EDIL3: variants seen among roughly 807,000 people sequenced by gnomAD.
EDIL3 encodes EGF-like repeat and discoidin I-like domain-containing protein 3.
Under a neutral mutation model 67.4 loss-of-function variants are expected in EDIL3, and 37 were observed. The observed-to-expected ratio is 0.55, with a 90% confidence interval of 0.42 to 0.72. The LOEUF is 0.72. Ranked by LOEUF, EDIL3 falls within the 30% of genes least tolerant of loss-of-function variation. EDIL3 has a pLI of 0.00. For missense variants in EDIL3, 527 were observed against 586.3 expected (o/e 0.90, Z 1.04); for synonymous variants, 195 against 196.3 (o/e 0.99, Z 0.05).
chr5:84,086,818 A>T lies in EDIL3; in HGVS notation c.651+19831T>A, dbSNP rs547745414. ...TTTGGGTAAATGTGTGACTACGCAG[A>T]AGGTGCTGATAAATCAGGGCCCCAG... On this transcript the variant is annotated intron_variant, in intron 6 of 10. Coordinates refer to ENST00000296591, the MANE Select transcript of EDIL3 (RefSeq NM_005711.5). Among the ~76,000 whole-genome samples, 6 of 152,302 alleles carry T rather than the reference A, an allele frequency of 3.9e-5. No homozygotes were observed. In the East Asian group the frequency reaches 1.2e-3, roughly 29 times the overall value.
Position 84,137,291 on chromosome 5 carries a change from T to C in EDIL3, c.419A>G (p.Asn140Ser). The C allele has an allele frequency of 6.2e-7, 1 of 1,613,534 alleles. No individual in the cohort carries two copies. The highest frequency in any genetic ancestry group is 8.5e-7 in the Non-Finnish European group (1 of 1,179,882). The change falls in exon 5 of 11, where the codon AAC becomes AGC. Residue 140 changes from asparagine to serine, a missense_variant. This residue lies in a region of EDIL3 where 494 missense variants were observed against 522.5 expected (regional missense o/e 0.95). Coordinates refer to ENST00000296591, the MANE Select transcript of EDIL3 (RefSeq NM_005711.5). ...TTCGCCTGGGCACTCACAGGAATAG[T>C]TAGCAACAAGATCTGTACATATTCC... ...NGGICTDLVA[N>S]YSCECPGEFM...
chr5:84,269,996 ATC>A (rs1274362719), intron 1 of EDIL3, among the ~76,000 whole-genome samples: 2 of 152,180 alleles, frequency 1.3e-5, no homozygotes, highest in Non-Finnish European at 2.9e-5. Flanking sequence ...ATGCTCTATG[ATC>A]TCTCTCTAAA....
chr5:84,072,793 A>G (rs73769722), intron 6 of EDIL3, among the ~76,000 whole-genome samples: 3,107 of 152,106 alleles, frequency 0.02, 123 homozygotes, highest in African/African-American at 0.071. Context: ...AAAACATAAG[A>G]ACAAGAATGA....
At chr5:84,109,561 T>C (rs1353024756) in intron 5 of EDIL3, among the ~76,000 whole-genome samples, 1 of 152,068 alleles carries the variant, frequency 6.6e-6, no homozygotes, top group Non-Finnish European at 1.5e-5. Context: ...ATTCAAATAA[T>C]ATATATTGAC....
intron 3 of EDIL3, among the ~76,000 whole-genome samples, chr5:84,227,629 T>C (rs918557918): frequency 6.6e-6 from 1 of 152,138 alleles, no homozygotes; most frequent in Non-Finnish European, 1.5e-5. Flanking sequence ...CATGCACTCA[T>C]AAGTTCATTG....
At chr5:84,356,559 T>C (rs1272168897) in intron 1 of EDIL3, among the ~76,000 whole-genome samples, 1 of 152,232 alleles carries the variant, frequency 6.6e-6, no homozygotes, top group African/African-American at 2.4e-5. Context: ...CCTACCTCTT[T>C]CACTTACAAG....
At chr5:84,019,783 T>G (rs1745677645) in intron 9 of EDIL3, among the ~76,000 whole-genome samples, 1 of 152,008 alleles carries the variant, frequency 6.6e-6, no homozygotes, top group Non-Finnish European at 1.5e-5. Flanking sequence ...GTTTTCTAAT[T>G]AGGTAAATTT....
chr5:84,163,055 T>C (rs1252334973), intron 4 of EDIL3, among the ~76,000 whole-genome samples: 1 of 152,166 alleles, frequency 6.6e-6, no homozygotes, highest in Non-Finnish European at 1.5e-5. Flanking sequence ...CAGTGGGCTT[T>C]TAAATCGACC....
chr5:84,009,636 G>A (rs1745484079), intron 9 of EDIL3, among the ~76,000 whole-genome samples: 2 of 152,120 alleles, frequency 1.3e-5, no homozygotes, highest in Non-Finnish European at 2.9e-5. Context: ...TGACATTAAT[G>A]ATATCGAGAG....
intron 1 of EDIL3, among the ~76,000 whole-genome samples, chr5:84,321,247 T>C (rs954834125): frequency 6.6e-6 from 1 of 152,182 alleles, no homozygotes; most frequent in African/African-American, 2.4e-5. Context: ...GCTTCTGTTA[T>C]TTTGAAAATA....
At chr5:84,049,877 C>G (rs1225759827) in intron 9 of EDIL3, among the ~76,000 whole-genome samples, 1 of 152,050 alleles carries the variant, frequency 6.6e-6, no homozygotes, top group African/African-American at 2.4e-5. Context: ...CTCAAGAAAG[C>G]TAACCAATTA....
chr5:84,296,998 T>C (rs1458800534), intron 1 of EDIL3, among the ~76,000 whole-genome samples: 2 of 151,846 alleles, frequency 1.3e-5, no homozygotes, highest in Non-Finnish European at 2.9e-5. Context: ...CTGGCTAATA[T>C]GGTGAAACCC....
chr5:84,129,412 T>C (rs1453206043), intron 5 of EDIL3, among the ~76,000 whole-genome samples: 2 of 152,066 alleles, frequency 1.3e-5, no homozygotes, highest in African/African-American at 2.4e-5. Flanking sequence ...CTCTATATAT[T>C]TATAGGTAGA....
chr5:84,214,115 T>G (rs2112392448), intron 3 of EDIL3, among the ~76,000 whole-genome samples: 1 of 152,320 alleles, frequency 6.6e-6, no homozygotes, highest in Admixed American at 6.5e-5. Flanking sequence ...ACTGCTGTGG[T>G]TTCCTACCAG....
chr5:84,066,640 T>C lies in EDIL3; in HGVS notation c.652-34A>G, dbSNP rs372584215. ...ACGAGCACAACCAACAATAATCTTATTGTTTTCAGGATAACAATACTGAAA... is the reference window on the plus strand; with the variant it reads ...ACGAGCACAACCAACAATAATCTTACTGTTTTCAGGATAACAATACTGAAA... On this transcript the variant is annotated intron_variant, in intron 6 of 10. Transcript: ENST00000296591. The C allele has an allele frequency of 2.0e-4, 318 of 1,597,286 alleles. No individual in the cohort carries two copies. In the African/African-American group the frequency reaches 3.7e-3, roughly 19 times the overall value.
chr5:84,368,029 A>C (rs1186713543), intron 1 of EDIL3, among the ~76,000 whole-genome samples: 2 of 152,130 alleles, frequency 1.3e-5, no homozygotes, highest in African/African-American at 4.8e-5. Flanking sequence ...CTGCCTCCCT[A>C]CCTAGGCAAA....
At chr5:84,081,975 G>T (rs1198832777) in intron 6 of EDIL3, among the ~76,000 whole-genome samples, 1 of 152,072 alleles carries the variant, frequency 6.6e-6, no homozygotes, top group East Asian at 1.9e-4. Flanking sequence ...GAATAAGAAA[G>T]AAAAATAAAA....
intron 9 of EDIL3, among the ~76,000 whole-genome samples, chr5:84,041,182 CAT>C (rs1445385759): frequency 6.6e-6 from 1 of 151,196 alleles, no homozygotes; most frequent in Non-Finnish European, 1.5e-5. Flanking sequence ...TTTAAACGAA[CAT>C]GTTTCAAATA....
At chr5:84,121,179 T>A (rs1396593281) in intron 5 of EDIL3, among the ~76,000 whole-genome samples, 1 of 152,022 alleles carries the variant, frequency 6.6e-6, no homozygotes, top group Non-Finnish European at 1.5e-5. Context: ...GTCTAACCCC[T>A]CCAACTTAGT....
Sources: allele counts gnomAD v4.1 joint callset (sites outside exome capture counted in the v4.1 genomes callset), GRCh38; gene constraint gnomAD v4.1.1; regional missense constraint gnomAD v4.1.1; transcripts MANE v1.5; gene names NCBI Gene and HGNC (gene_info 2026-07-23, HGNC 2026-07-21).